CNTNAP2: variants seen among roughly 807,000 people sequenced by gnomAD.
CNTNAP2 encodes contactin-associated protein-like 2.
In CNTNAP2, 98 loss-of-function variants were observed where a neutral mutation model predicts 155.2. That is an observed-to-expected ratio of 0.63 (90% CI 0.54 to 0.75). The LOEUF (loss-of-function observed/expected upper bound fraction) is 0.75. CNTNAP2 is among the 30% of genes least tolerant of loss of function. The pLI is 0.00. For synonymous variants in CNTNAP2, 651 were observed against 631.2 expected (o/e 1.03, Z -0.47); for missense variants, 1,727 against 1,688.1 (o/e 1.02, Z -0.40).
At chr7:147,851,571 A>G (rs527619268) in intron 13 of CNTNAP2, among the ~76,000 whole-genome samples, 4 of 151,992 alleles carry the variant, frequency 2.6e-5, no homozygotes, top group African/African-American at 4.8e-5. Context: ...GCACATATAC[A>G]CCATGGAATA....
chr7:146,584,428 A>C (rs899157394), intron 1 of CNTNAP2, among the ~76,000 whole-genome samples: 1 of 152,198 alleles, frequency 6.6e-6, no homozygotes, highest in South Asian at 2.1e-4. Context: ...AGCTTAAACA[A>C]CTAGGAAATT....
chr7:146,716,762 A>G (rs1801195445), intron 1 of CNTNAP2, among the ~76,000 whole-genome samples: 1 of 152,216 alleles, frequency 6.6e-6, no homozygotes, highest in African/African-American at 2.4e-5. Context: ...GGAGATCAAT[A>G]TGTGAGCATG....
intron 13 of CNTNAP2, among the ~76,000 whole-genome samples, chr7:147,700,604 A>G (rs1305433998): frequency 6.6e-6 from 1 of 152,228 alleles, no homozygotes; most frequent in Non-Finnish European, 1.5e-5. Context: ...AATTGAAGAA[A>G]TATCAGAAGG....
chr7:147,510,139 T>A (rs898490247), intron 11 of CNTNAP2, among the ~76,000 whole-genome samples: 2 of 152,160 alleles, frequency 1.3e-5, no homozygotes, highest in African/African-American at 4.8e-5. Context: ...GACTAGGGAA[T>A]CTGTTTTCTC....
At chr7:146,373,536 A>G (rs1328726723) in intron 1 of CNTNAP2, among the ~76,000 whole-genome samples, 1 of 152,078 alleles carries the variant, frequency 6.6e-6, no homozygotes, top group Non-Finnish European at 1.5e-5. Context: ...AAATATGTTG[A>G]AAAAAATGGA....
intron 21 of CNTNAP2, among the ~76,000 whole-genome samples, chr7:148,295,960 A>C (rs1797276769): frequency 6.6e-6 from 1 of 152,216 alleles, no homozygotes; most frequent in Admixed American, 6.5e-5. Context: ...AGGAAAACCC[A>C]CTGTGACATA....
intron 1 of CNTNAP2, among the ~76,000 whole-genome samples, chr7:146,675,868 C>T (rs1800389598): frequency 1.3e-5 from 2 of 151,922 alleles, no homozygotes; most frequent in Non-Finnish European, 2.9e-5. Context: ...CTTTCCTTAT[C>T]AATACATATG....
Position 146,946,072 on chromosome 7 carries a change from C to CCCTTCCTTCCTT in CNTNAP2, c.403-97822_403-97811dup, listed in dbSNP as rs10625736. ...CTGAAAAGGAGACCCTTCCTTCCTT[C>CCCTTCCTTCCTT]CCTTCCTTCCTTCCTTCCTTCCTTT... On this transcript the variant is annotated intron_variant, in intron 3 of 23. Transcript: ENST00000361727. Among the ~76,000 whole-genome samples the CCCTTCCTTCCTT allele has an allele frequency of 2.6e-3, 396 of 149,956 alleles. 2 individuals are homozygous for CCCTTCCTTCCTT. The highest frequency in any genetic ancestry group is 9.0e-3 in the African/African-American group (368 of 40,794).
chr7:147,438,595 G>C (rs1797589457), intron 10 of CNTNAP2, among the ~76,000 whole-genome samples: 1 of 151,548 alleles, frequency 6.6e-6, no homozygotes, highest in South Asian at 2.1e-4. Context: ...GGGTAATACT[G>C]GCATGATACA....
At chr7:147,914,746 C>A (rs1317339452) in intron 14 of CNTNAP2, among the ~76,000 whole-genome samples, 6 of 151,884 alleles carry the variant, frequency 4.0e-5, no homozygotes, top group African/African-American at 1.5e-4. Context: ...AGATGGGGGT[C>A]TTGCCATTTT....
chr7:148,277,927 G>A (rs140618185), intron 21 of CNTNAP2, among the ~76,000 whole-genome samples: 27 of 151,894 alleles, frequency 1.8e-4, no homozygotes, highest in South Asian at 2.1e-4. Flanking sequence ...GCTAAGGGCC[G>A]AAGTTTCTCT....
intron 13 of CNTNAP2, among the ~76,000 whole-genome samples, chr7:147,664,410 A>G (rs1364628495): frequency 1.3e-5 from 2 of 152,184 alleles, no homozygotes; most frequent in African/African-American, 4.8e-5. Flanking sequence ...GTCTTACATA[A>G]AGAGAAAAAT....
intron 1 of CNTNAP2, among the ~76,000 whole-genome samples, chr7:146,568,538 A>G (rs1798392525): frequency 6.6e-6 from 1 of 152,222 alleles, no homozygotes; most frequent in South Asian, 2.1e-4. Flanking sequence ...TATTGCTCTA[A>G]CAATATTTGT....
chr7:148,163,415 G>A (rs1162618631), intron 17 of CNTNAP2, among the ~76,000 whole-genome samples: 1 of 152,084 alleles, frequency 6.6e-6, no homozygotes, highest in Admixed American at 6.6e-5. Flanking sequence ...TGCCACCATA[G>A]CCTCTACAAT....
At chr7:146,357,232 C>CAAA (rs71525940) in intron 1 of CNTNAP2, among the ~76,000 whole-genome samples, 1,282 of 98,398 alleles carry the variant, frequency 0.013, 14 homozygotes, top group Middle Eastern at 0.035. Context: ...TACAGTGCTC[C>CAAA]AAAAAAAAAA....
intron 1 of CNTNAP2, among the ~76,000 whole-genome samples, chr7:146,246,259 C>T (rs13233743): frequency 6.7e-6 from 1 of 149,242 alleles, no homozygotes; most frequent in African/African-American, 2.5e-5. Flanking sequence ...GAGGAGGACG[C>T]AAAGGAGGCT....
chr7:146,753,132 A>G (rs1801934630), intron 1 of CNTNAP2, among the ~76,000 whole-genome samples: 1 of 152,256 alleles, frequency 6.6e-6, no homozygotes, highest in East Asian at 1.9e-4. Flanking sequence ...ATTTACTAAA[A>G]TATTTAGGGC....
chr7:148,218,490 C>T (rs1470927758), intron 19 of CNTNAP2, among the ~76,000 whole-genome samples: 2 of 152,168 alleles, frequency 1.3e-5, no homozygotes, highest in Non-Finnish European at 2.9e-5. Context: ...CTCTCAGGCT[C>T]AAGCGATCCT....
chr7:146,235,281 T>G (rs2116920037), intron 1 of CNTNAP2, among the ~76,000 whole-genome samples: 1 of 151,818 alleles, frequency 6.6e-6, no homozygotes, highest in East Asian at 1.9e-4. Flanking sequence ...AGGGTGGAGT[T>G]CCTTTTCTGA....
Sources: gnomAD v4.1 joint callset for allele counts (sites outside exome capture counted in the v4.1 genomes callset) on GRCh38, gnomAD v4.1.1 for gene constraint, MANE v1.5 for transcripts, NCBI Gene and HGNC (gene_info 2026-07-23, HGNC 2026-07-21) for gene names.